The following LRP2 variants were observed in gnomAD, a reference collection of about 807,000 sequenced individuals.
LRP2 encodes the protein low-density lipoprotein receptor-related protein 2.
A neutral mutation model predicts 531.0 loss-of-function variants in LRP2; 172 were observed. The observed-to-expected ratio is 0.32, with a 90% CI of 0.29 to 0.37. LRP2 has a LOEUF of 0.37. LRP2 is among the 10% of genes least tolerant of loss of function. LRP2 has a pLI of 1.00. For synonymous variants in LRP2, 1,992 were observed against 2,027.6 expected (o/e 0.98, Z 0.47); for missense variants, 5,167 against 5,868.3 (o/e 0.88, Z 3.90).
chr2:169,174,195 G>A, intron 55 of LRP2, 31 bp from the exon 56 acceptor site: 2 of 1,613,924 alleles, frequency 1.2e-6, no homozygotes, highest in African/African-American at 1.3e-5. Context: ...TTATCAGCTT[G>A]GAAGGCATCA....
chr2:169,142,571 C>T, intron 71 of LRP2, 103 bp downstream of exon 71: 1 of 1,544,392 alleles, frequency 6.5e-7, no homozygotes. Flanking sequence ...CCAGCCATCC[C>T]CACTCTGCTG....
intron 12 of LRP2, among the ~76,000 whole-genome samples, chr2:169,279,042 A>G (rs909075237): frequency 3.3e-5 from 5 of 152,206 alleles, no homozygotes; most frequent in Non-Finnish European, 7.3e-5. Context: ...AGTTGTAATA[A>G]TATTATTAGA....
At chr2:169,195,093 T>G (rs1403384563) in intron 46 of LRP2, among the ~76,000 whole-genome samples, 2 of 152,142 alleles carry the variant, frequency 1.3e-5, no homozygotes, top group Admixed American at 1.3e-4. Context: ...TCTTTCCACA[T>G]GTGCACAAAG....
At chr2:169,288,546 G>A (rs1459160965) in intron 9 of LRP2, among the ~76,000 whole-genome samples, 1 of 148,588 alleles carries the variant, frequency 6.7e-6, no homozygotes, top group East Asian at 2.0e-4. Context: ...ATGACCTGGT[G>A]ATCCTCTGCT....
At chr2:169,136,825 A>AGCAACAAGGCT (rs1558971145) in intron 76 of LRP2, among the ~76,000 whole-genome samples, 1 of 152,192 alleles carries the variant, frequency 6.6e-6, no homozygotes, top group African/African-American at 2.4e-5. Flanking sequence ...AAGATGACTG[A>AGCAACAAGGCT]GCAACAAGGC....
At chr2:169,322,250 G>A (rs1375781707) in intron 1 of LRP2, among the ~76,000 whole-genome samples, 3 of 152,160 alleles carry the variant, frequency 2.0e-5, no homozygotes, top group Non-Finnish European at 2.9e-5. Context: ...TCAACAGCAT[G>A]ACATAAACAT....
intron 14 of LRP2, 144 bp downstream of exon 14, chr2:169,274,892 G>C: frequency 1.2e-6 from 1 of 801,256 alleles, no homozygotes; most frequent in Non-Finnish European, 2.1e-6. Context: ...GTTTCAGAGA[G>C]TTTAACACTC....
intron 61 of LRP2, among the ~76,000 whole-genome samples, chr2:169,167,996 C>T (rs1439812131): frequency 1.2e-5 from 1 of 86,810 alleles, no homozygotes; most frequent in Non-Finnish European, 2.4e-5. Flanking sequence ...TGAATTGAGA[C>T]TCACAAACAA....
chr2:169,334,055 TCCCCATATTAA>T (rs1231368411), intron 1 of LRP2, among the ~76,000 whole-genome samples: 1 of 152,170 alleles, frequency 6.6e-6, no homozygotes, highest in Non-Finnish European at 1.5e-5. Flanking sequence ...ATTTATAATG[TCCCCATATTAA>T]TAGCAACATG....
intron 1 of LRP2, among the ~76,000 whole-genome samples, chr2:169,361,893 G>C (rs1369297200): frequency 6.6e-6 from 1 of 152,134 alleles, no homozygotes; most frequent in Non-Finnish European, 1.5e-5. Flanking sequence ...AAGGGATCCC[G>C]GGAGGGGCGC....
At chr2:169,290,640 G>A (rs982443980) in intron 8 of LRP2, among the ~76,000 whole-genome samples, 2 of 152,120 alleles carry the variant, frequency 1.3e-5, no homozygotes, top group East Asian at 1.9e-4. Context: ...ACATCCTGAC[G>A]TGTGAGTGAG....
At position 169,320,761 on chromosome 2, in the gene LRP2, G is replaced by T. The variant is rs755948376; in HGVS notation, c.187+16C>A. 27 of 1,599,404 alleles carry T rather than the reference G, an allele frequency of 1.7e-5. No homozygotes were observed. The highest frequency in any genetic ancestry group is 5.1e-6 in the Non-Finnish European group (6 of 1,166,782). On this transcript the variant is annotated intron_variant, in intron 2 of 78. Coordinates refer to ENST00000649046, the MANE Select transcript of LRP2 (RefSeq NM_004525.3). ...GTTACTCAAAATAGAACTTAGCCTGGCCCCTCCTCACTTACCGCAGCCAAT... is the reference window on the plus strand; with the variant it reads ...GTTACTCAAAATAGAACTTAGCCTGTCCCCTCCTCACTTACCGCAGCCAAT...
intron 4 of LRP2, among the ~76,000 whole-genome samples, chr2:169,305,953 C>T (rs1319687607): frequency 1.3e-5 from 2 of 151,962 alleles, no homozygotes; most frequent in Non-Finnish European, 2.9e-5. Flanking sequence ...ATACTGTTTA[C>T]CCTAGGTGTG....
chr2:169,264,873 T>A (rs1690729186), intron 16 of LRP2, among the ~76,000 whole-genome samples: 1 of 151,954 alleles, frequency 6.6e-6, no homozygotes, highest in Admixed American at 6.6e-5. Flanking sequence ...ACAGATTTTC[T>A]CTGGAGGAGC....
rs1420250968 is a variant in LRP2 at position 169,176,398 on chromosome 2, A to C, written c.10571+13T>G. Reference sequence around the variant, plus strand: ...CTAGAGAGGCACTGAGGAGAGGGGAAAGAGAGCCTTACTTTTCATTGTTAG... The same window carrying C: ...CTAGAGAGGCACTGAGGAGAGGGGACAGAGAGCCTTACTTTTCATTGTTAG... On this transcript the variant is annotated intron_variant, in intron 54 of 78. Coordinates refer to ENST00000649046, the MANE Select transcript of LRP2 (RefSeq NM_004525.3). 6.2e-7 allele frequency: 1 copy of C among 1,614,118 alleles called. No homozygotes were observed. The highest frequency in any genetic ancestry group is 2.2e-5 in the East Asian group (1 of 44,878).
intron 46 of LRP2, among the ~76,000 whole-genome samples, chr2:169,195,195 T>C (rs886715267): frequency 6.6e-6 from 1 of 152,178 alleles, no homozygotes; most frequent in African/African-American, 2.4e-5. Context: ...ACATGGACCA[T>C]TCGCATTTTA....
In LRP2 at chr2:169,127,991, C is replaced by G. The variant is rs1685155298; in HGVS notation, c.*672G>C. The G allele has an allele frequency of 6.6e-6, 1 of 152,584 alleles. No individual in the cohort carries two copies. The highest frequency in any genetic ancestry group is 2.4e-5 in the African/African-American group (1 of 41,418). The allele number at this position is 152,584 out of a possible 1,614,324, so 9.5% of individuals were successfully genotyped here. A position where few individuals can be genotyped will look rare whatever the true frequency, so the allele number is the denominator to read the frequency against. ...ACAAATAAAAATGTTGTCTTGGCAG[C>G]TAGTGAGAGAACACACATGAAACAG... is the stretch of plus-strand genomic sequence containing the variant. On this transcript the variant is annotated 3_prime_UTR_variant, in exon 79 of 79. Coordinates refer to ENST00000649046, the MANE Select transcript of LRP2 (RefSeq NM_004525.3).
chr2:169,135,367 G>A lies in LRP2; in HGVS notation c.13620+2025C>T, dbSNP rs865954063. Among the ~76,000 whole-genome samples the A allele has an allele frequency of 3.3e-5, 5 of 152,302 alleles. No homozygotes were observed. The South Asian group carries it at 1.0e-3, about 32-fold the overall frequency. On this transcript the variant is annotated intron_variant, in intron 76 of 78. Transcript: ENST00000649046. ...ACTAAAATACCTCTTGGTCTGGGTA[G>A]ACACTTTCACAGGATAGGAAGAGGC...
At chr2:169,278,095 GTTT>G in intron 12 of LRP2, 144 bp from the exon 13 acceptor site, 1 of 562,448 alleles carries the variant, frequency 1.8e-6, no homozygotes, top group Non-Finnish European at 3.1e-6. Flanking sequence ...AAATTAAGTT[GTTT>G]TTTTTTTTTA....
Sources: allele counts gnomAD v4.1 joint callset (sites outside exome capture counted in the v4.1 genomes callset), GRCh38; gene constraint gnomAD v4.1.1; transcripts MANE v1.5; gene names NCBI Gene and HGNC (gene_info 2026-07-23, HGNC 2026-07-21).